Variants in KCNH5 observed in about 807,000 individuals in gnomAD.
KCNH5 encodes potassium voltage-gated channel subfamily H member 5, also known as voltage-gated delayed rectifier potassium channel KCNH5.
KCNH5 carries 46 observed loss-of-function variants against 96.1 expected under a neutral mutation model. That is an observed-to-expected ratio of 0.48 (90% CI 0.38 to 0.61). The LOEUF (loss-of-function observed/expected upper bound fraction) is 0.61. Ranked by LOEUF, KCNH5 falls within the 20% of genes least tolerant of loss-of-function variation. The pLI is 0.00. For missense variants in KCNH5, 907 were observed against 1,225.8 expected, an observed-to-expected ratio of 0.74 and a Z score of 3.88; for synonymous variants, 439 against 449.8, an observed-to-expected ratio of 0.98 and a Z score of 0.30.
intron 7 of KCNH5, among the ~76,000 whole-genome samples, chr14:62,896,131 C>G (rs1298837511): frequency 1.3e-5 from 2 of 152,184 alleles, no homozygotes; most frequent in African/African-American, 4.8e-5. Context: ...AAATTACTTT[C>G]CCTGATGGTA....
At position 62,906,894 on chromosome 14, in the gene KCNH5, C is replaced by T. The variant is rs372122210; in HGVS notation, c.1369+43239G>A. ...AGAATCCAACCGACCCCAAAGTGTT[C>T]TCAAGTACCTTACCTAGGGTGTCTC... On this transcript the variant is annotated intron_variant, in intron 7 of 10. Coordinates refer to ENST00000322893, the MANE Select transcript of KCNH5 (RefSeq NM_139318.5). Among the ~76,000 whole-genome samples, 55 of 152,232 alleles carry T rather than the reference C, an allele frequency of 3.6e-4. 3 individuals are homozygous for T. In the South Asian group the frequency reaches 7.5e-3, roughly 21 times the overall value.
In KCNH5 at chr14:62,731,296, G is replaced by A. The variant is rs186400026; in HGVS notation, c.2020-22841C>T. ...AGCCTGGGCAACAGAGGGAGACTCC[G>A]TCTAAAAAATAATAATAATAATAAA... On this transcript the variant is annotated intron_variant, in intron 10 of 10. Coordinates refer to ENST00000322893, the MANE Select transcript of KCNH5 (RefSeq NM_139318.5). 4.1e-3 allele frequency among the ~76,000 whole-genome samples: 618 copies of A among 151,322 alleles called. 2 individuals are homozygous for A. The highest frequency in any genetic ancestry group is 0.014 in the African/African-American group (566 of 41,272).
intron 8 of KCNH5, among the ~76,000 whole-genome samples, chr14:62,837,248 A>G (rs1191602543): frequency 2.0e-5 from 3 of 152,206 alleles, no homozygotes; most frequent in Non-Finnish European, 4.4e-5. Context: ...CAGTCCTACT[A>G]GACTGTGAGT....
intron 3 of KCNH5, 138 bp from the exon 4 acceptor site, chr14:63,001,597 T>C (rs1891012606): frequency 1.5e-6 from 1 of 668,230 alleles, no homozygotes; most frequent in Non-Finnish European, 2.4e-6. Context: ...GTATATTAAT[T>C]ACTACAAACA....
intron 9 of KCNH5, among the ~76,000 whole-genome samples, chr14:62,797,212 T>C (rs1032627301): frequency 6.6e-6 from 1 of 152,164 alleles, no homozygotes; most frequent in African/African-American, 2.4e-5. Flanking sequence ...ACTACCAAGA[T>C]TGTTAAAACT....
intron 10 of KCNH5, among the ~76,000 whole-genome samples, chr14:62,710,894 A>C (rs1372533632): frequency 6.6e-6 from 1 of 152,164 alleles, no homozygotes; most frequent in Non-Finnish European, 1.5e-5. Flanking sequence ...TCAAATTTTA[A>C]TTTTACCTGG....
At chr14:62,976,073 T>C (rs1890492679) in intron 6 of KCNH5, among the ~76,000 whole-genome samples, 1 of 142,740 alleles carries the variant, frequency 7.0e-6, no homozygotes, top group Non-Finnish European at 1.5e-5. Flanking sequence ...AGCAAAAAGA[T>C]AAAGGATTAG....
Position 62,707,999 on chromosome 14 carries a change from C to G in KCNH5, c.2476G>C (p.Glu826Gln), listed in dbSNP as rs763289197. 1 of 1,614,096 alleles carries G rather than the reference C, an allele frequency of 6.2e-7. No individual in the cohort carries two copies. The highest frequency in any genetic ancestry group is 1.3e-5 in the African/African-American group (1 of 74,918). Residue 826 changes from glutamate (E) to glutamine (Q), a missense_variant, in exon 11 of 11, where the codon GAA (glutamate) becomes CAA (glutamine). Around this residue, in one of 6 missense-constraint regions of KCNH5, gnomAD observed 362 missense variants for 394.4 expected, o/e 0.92. Transcript: ENST00000322893. ...NNMGAHEEKK[E>Q]DWNNVTKAES... ...GCTTTAGTGACATTATTCCAGTCTT[C>G]CTTTTTCTCCTCATGGGCTCCCATA...
chr14:62,910,601 A>G (rs1221795207), intron 7 of KCNH5, among the ~76,000 whole-genome samples: 2 of 152,206 alleles, frequency 1.3e-5, no homozygotes, highest in Admixed American at 1.3e-4. Context: ...CATAAAATAG[A>G]CATTCAGAGC....
At chr14:62,940,034 A>T (rs1277762982) in intron 7 of KCNH5, among the ~76,000 whole-genome samples, 5 of 152,208 alleles carry the variant, frequency 3.3e-5, no homozygotes, top group Admixed American at 2.6e-4. Context: ...CCATTTTACA[A>T]ATGATGGTTT....
intron 10 of KCNH5, among the ~76,000 whole-genome samples, chr14:62,737,865 G>A (rs1885191450): frequency 6.6e-6 from 1 of 152,062 alleles, no homozygotes. Flanking sequence ...ACAAAATAGA[G>A]TAGTCTCTCC....
At chr14:62,970,044 T>TCA (rs535103059) in intron 6 of KCNH5, among the ~76,000 whole-genome samples, 390 of 30,416 alleles carry the variant, frequency 0.013, 4 homozygotes, top group African/African-American at 0.045. Context: ...AGACTCCGTC[T>TCA]AAAAAAAAAA....
At chr14:62,779,408 A>G (rs945959007) in intron 10 of KCNH5, among the ~76,000 whole-genome samples, 2 of 152,196 alleles carry the variant, frequency 1.3e-5, no homozygotes, top group Non-Finnish European at 1.5e-5. Context: ...GGTAAAAGAC[A>G]CTGGAGTTGA....
chr14:62,983,626 C>T (rs1890652273), intron 5 of KCNH5, among the ~76,000 whole-genome samples: 1 of 152,090 alleles, frequency 6.6e-6, no homozygotes, highest in African/African-American at 2.4e-5. Context: ...TGGATTAATG[C>T]AGGTCTCCTC....
intron 7 of KCNH5, among the ~76,000 whole-genome samples, chr14:62,888,796 T>TC (rs1226761429): frequency 6.6e-6 from 1 of 152,172 alleles, no homozygotes; most frequent in Non-Finnish European, 1.5e-5. Flanking sequence ...TGGACCTGTA[T>TC]CCCTCTTCCT....
At chr14:62,759,235 G>T (rs918464657) in intron 10 of KCNH5, among the ~76,000 whole-genome samples, 1 of 96,810 alleles carries the variant, frequency 1.0e-5, no homozygotes, top group South Asian at 7.3e-4. Context: ...ATCAAAATTA[G>T]TCAGCTGTTT....
At chr14:62,827,973 G>A (rs1054215163) in intron 8 of KCNH5, among the ~76,000 whole-genome samples, 3 of 151,662 alleles carry the variant, frequency 2.0e-5, no homozygotes, top group African/African-American at 7.3e-5. Flanking sequence ...TAATTTTTTT[G>A]AATTGCTTCA....
intron 10 of KCNH5, among the ~76,000 whole-genome samples, chr14:62,716,782 TG>T (rs969974961): frequency 6.6e-6 from 1 of 152,088 alleles, no homozygotes; most frequent in African/African-American, 2.4e-5. Flanking sequence ...AACATTGTAT[TG>T]GGGGGTTCTA....
chr14:62,885,847 T>C (rs1472906267), intron 7 of KCNH5, among the ~76,000 whole-genome samples: 5 of 152,312 alleles, frequency 3.3e-5, no homozygotes, highest in Admixed American at 3.3e-4. Flanking sequence ...AATTAAAATA[T>C]AACATTAATG....
Sources: allele counts gnomAD v4.1 joint callset (sites outside exome capture counted in the v4.1 genomes callset), GRCh38; gene constraint gnomAD v4.1.1; regional missense constraint gnomAD v4.1.1; transcripts MANE v1.5; gene names NCBI Gene and HGNC (gene_info 2026-07-23, HGNC 2026-07-21).